The following C17orf107 variants were observed in gnomAD, a reference collection of about 807,000 sequenced individuals.
The protein encoded by C17orf107 is chromosome 17 open reading frame 107, also known as uncharacterized protein C17orf107.
Under a neutral mutation model 8.9 loss-of-function variants are expected in C17orf107, and 9 were observed. The ratio of observed to expected loss-of-function variants is 1.02; its 90% confidence interval spans 0.61 to 1.77. The LOEUF (loss-of-function observed/expected upper bound fraction) is 1.77. Ranked by LOEUF, C17orf107 falls within the 40% of genes most tolerant of loss-of-function variation. The pLI is 0.00. For synonymous variants in C17orf107, 139 were observed against 120.3 expected, an observed-to-expected ratio of 1.16 and a Z score of -1.02; for missense variants, 281 against 249.0, an observed-to-expected ratio of 1.13 and a Z score of -0.86.
Position 4,900,137 on chromosome 17 carries a change from T to G in C17orf107, c.268T>G (p.Leu90Val). 10 of 1,550,116 alleles carry G rather than the reference T, an allele frequency of 6.5e-6. No homozygotes were observed. The highest frequency in any genetic ancestry group is 7.0e-6 in the Non-Finnish European group (8 of 1,146,692). The stretch of plus-strand genomic sequence containing the variant: ...CAGCCTCGTGAGCTTCGGCACCACC[T>G]TGTTAGAGGTGGGGTACTGGGGGGC... ...TASLVSFGTTLLEISALWLQQ... is the reference protein window; with the variant it reads ...TASLVSFGTTVLEISALWLQQ... The change falls in exon 2 of 3, where the codon TTG (leucine) becomes GTG (valine). Residue 90 changes from leucine (L) to valine (V), a missense_variant. Transcript: ENST00000381365.
chr17:4,901,832 C>A lies in C17orf107; in HGVS notation c.*1299C>A. 3.9e-6 allele frequency: 6 copies of A among 1,541,740 alleles called. No individual in the cohort carries two copies. The highest frequency in any genetic ancestry group is 5.3e-6 in the Non-Finnish European group (6 of 1,122,784). On this transcript the variant is annotated 3_prime_UTR_variant, in exon 3 of 3. Coordinates refer to ENST00000381365, the MANE Select transcript of C17orf107 (RefSeq NM_001145536.2). ...TGCCTACGCCTGGCTCCGCCTCCAG[C>A]GCGAAGCCCCGCCCCGAGGGCGGTG...
rs1969996103 is a variant in C17orf107 at position 4,901,826 on chromosome 17, C to A, written c.*1293C>A. The A allele has an allele frequency of 1.3e-6, 2 of 1,525,752 alleles. No individual in the cohort carries two copies. The highest frequency in any genetic ancestry group is 1.8e-6 in the Non-Finnish European group (2 of 1,108,368). 94.5% of individuals were successfully genotyped at this position (1,525,752 alleles called of 1,614,324 possible). ...ACCCAGTGCCTACGCCTGGCTCCGC[C>A]TCCAGCGCGAAGCCCCGCCCCGAGG... On this transcript the variant is annotated 3_prime_UTR_variant, in exon 3 of 3. Transcript: ENST00000381365.
Position 4,899,689 on chromosome 17 carries a change from C to T in C17orf107, c.-74C>T, listed in dbSNP as rs890612632. 2 of 1,462,298 alleles carry T rather than the reference C, an allele frequency of 1.4e-6. No homozygotes were observed. The allele number at this position is 1,462,298 out of a possible 1,614,324, so 90.6% of individuals were successfully genotyped here. A position where few individuals can be genotyped will look rare whatever the true frequency, so the allele number is the denominator to read the frequency against. On this transcript the variant is annotated 5_prime_UTR_variant, in exon 1 of 3. Transcript: ENST00000381365. ...TTCTCCTGGTACGGGCTGGTTACGC[C>T]CTCCAGCTGCGCCCCCTACACGACG...
chr17:4,902,585 G>A lies in C17orf107; in HGVS notation c.*2052G>A, dbSNP rs749542323. ...GCTCAGCGGTTGGGGCCAGAAGTGGGATTTTTGGCTTAAGATGAGGGTGGG... is the reference window on the plus strand; with the variant it reads ...GCTCAGCGGTTGGGGCCAGAAGTGGAATTTTTGGCTTAAGATGAGGGTGGG... On this transcript the variant is annotated 3_prime_UTR_variant, in exon 3 of 3. Transcript: ENST00000381365. This position sits in a 1 kb window ranked among gnomAD's most constrained non-coding sequence, Gnocchi z 4.0. The A allele has an allele frequency of 2.4e-5, 38 of 1,614,162 alleles. No homozygotes were observed. The highest frequency in any genetic ancestry group is 3.2e-5 in the Non-Finnish European group (38 of 1,180,032).
At position 4,900,526 on chromosome 17, in the gene C17orf107, T is replaced by G. The variant is rs1418063217; in HGVS notation, c.566T>G (p.Val189Gly). The change falls in exon 3 of 3, where the codon GTG (valine) becomes GGG (glycine). Residue 189 changes from valine to glycine, a missense_variant. Val to Gly is a moderately radical substitution (Grantham distance 109). Coordinates refer to ENST00000381365, the MANE Select transcript of C17orf107 (RefSeq NM_001145536.2). ...GAACCGGTGAGCTCAGGACACGGGGTGAGTTAGGGGCCAGAGGCGGCGGGG... is the reference window on the plus strand; with the variant it reads ...GAACCGGTGAGCTCAGGACACGGGGGGAGTTAGGGGCCAGAGGCGGCGGGG... ...PGEPVSSGHG[V>G]S The G allele has an allele frequency of 1.3e-6, 2 of 1,549,646 alleles. No homozygotes were observed. The highest frequency in any genetic ancestry group is 8.7e-7 in the Non-Finnish European group (1 of 1,146,766).
Position 4,901,285 on chromosome 17 carries a change from G to C in C17orf107, c.*752G>C. On this transcript the variant is annotated 3_prime_UTR_variant, in exon 3 of 3. Transcript: ENST00000381365. The stretch of plus-strand genomic sequence containing the variant: ...AGGAGGCTGCGGCTGTCTGCACCAG[G>C]GTCATGGGCCGTCAGGATGGGGGCA... The C allele has an allele frequency of 7.1e-7, 1 of 1,401,840 alleles. No homozygotes were observed. Among genetic ancestry groups the C allele is most frequent in the Non-Finnish European group, 9.9e-7 (1 of 1,014,458 alleles). The allele number at this position is 1,401,840 out of a possible 1,614,324, so 86.8% of individuals were successfully genotyped here.
rs992228063 is a variant in C17orf107, at chr17:4,900,795, G to A, written c.*262G>A. On this transcript the variant is annotated 3_prime_UTR_variant, in exon 3 of 3. Transcript: ENST00000381365. ...CCCCGCGGGGGCTCCGGCTTCACCT[G>A]CCCAGGAGCGGCACGCTCAGAGAAG... is the stretch of plus-strand genomic sequence containing the variant. 1.9e-6 allele frequency: 3 copies of A among 1,613,212 alleles called. No homozygotes were observed. Among genetic ancestry groups the A allele is most frequent in the Non-Finnish European group, 2.5e-6 (3 of 1,179,584 alleles).
rs757017826 is a variant in C17orf107, at chr17:4,899,963, T to A, written c.94T>A (p.Ser32Thr). The change falls in exon 2 of 3, where the codon TCC becomes ACC. Residue 32 changes from serine to threonine, a missense_variant. Coordinates refer to ENST00000381365, the MANE Select transcript of C17orf107 (RefSeq NM_001145536.2). ...EVALQPPLLS[S>T]LELSVAAAHE... is the part of the protein sequence containing the mutation. ...GGCCCTCCAGCCCCCGCTTCTGTCT[T>A]CCCTGGAACTCTCCGTGGCCGCAGC... 29 of 1,551,160 alleles carry A rather than the reference T, an allele frequency of 1.9e-5. No individual in the cohort carries two copies. The highest frequency in any genetic ancestry group is 2.4e-5 in the Non-Finnish European group (27 of 1,146,836).
chr17:4,902,847 CAGGCCTCTG>C lies in C17orf107; in HGVS notation c.*2319_*2327del. ...CCCCTCTGCCTCCCCTGGGTCCTCACAGGCCTCTGAGGCTGTGTACTATCAGTATCTGTC... is the reference window on the plus strand; with the variant it reads ...CCCCTCTGCCTCCCCTGGGTCCTCACAGGCTGTGTACTATCAGTATCTGTC... On this transcript the variant is annotated 3_prime_UTR_variant, in exon 3 of 3. Transcript: ENST00000381365. This position sits in a 1 kb window ranked among gnomAD's most constrained non-coding sequence, Gnocchi z 4.0. 6.2e-7 allele frequency: 1 copy of C among 1,601,958 alleles called. No homozygotes were observed. The highest frequency in any genetic ancestry group is 8.5e-7 in the Non-Finnish European group (1 of 1,169,754).
Position 4,901,806 on chromosome 17 carries a change from G to T in C17orf107, c.*1273G>T. 7.0e-7 allele frequency: 1 copy of T among 1,425,398 alleles called. No homozygotes were observed. Among genetic ancestry groups the T allele is most frequent in the Non-Finnish European group, 9.8e-7 (1 of 1,020,074 alleles). 88.3% of individuals were successfully genotyped at this position (1,425,398 alleles called of 1,614,324 possible). A position where few individuals can be genotyped will look rare whatever the true frequency, so the allele number is the denominator to read the frequency against. ...CGGCCGCGCTGGAGCGTCCCACCCA[G>T]TGCCTACGCCTGGCTCCGCCTCCAG... On this transcript the variant is annotated 3_prime_UTR_variant, in exon 3 of 3. Coordinates refer to ENST00000381365, the MANE Select transcript of C17orf107 (RefSeq NM_001145536.2).
rs1969978683 is a variant in C17orf107, at chr17:4,901,350, A to C, written c.*817A>C. 1 of 962,540 alleles carries C rather than the reference A, an allele frequency of 1.0e-6. No individual in the cohort carries two copies. Among genetic ancestry groups the C allele is most frequent in the African/African-American group, 1.6e-5 (1 of 62,112 alleles). 59.6% of individuals were successfully genotyped at this position (962,540 alleles called of 1,614,324 possible). ...AGGGCATTCTCGTTGAGGGTATGGA[A>C]AGCCAGAAGGCAGGACTAGAGTAAC... On this transcript the variant is annotated 3_prime_UTR_variant, in exon 3 of 3. Transcript: ENST00000381365.
Position 4,899,843 on chromosome 17 carries a change from G to A in C17orf107, c.66+15G>A, listed in dbSNP as rs375052652. On this transcript the variant is annotated intron_variant, in intron 1 of 2. Coordinates refer to ENST00000381365, the MANE Select transcript of C17orf107 (RefSeq NM_001145536.2). ...GCTCCACCGAGGTGAGGCTACGCCCGCCAAGGGCTGCACCTCGAGACCTTC... is the reference window on the plus strand; with the variant it reads ...GCTCCACCGAGGTGAGGCTACGCCCACCAAGGGCTGCACCTCGAGACCTTC... The A allele has an allele frequency of 2.6e-6, 4 of 1,551,100 alleles. 1 individual carries two copies. Among genetic ancestry groups the A allele is most frequent in the African/African-American group, 2.7e-5 (2 of 73,156 alleles).
downstream of C17orf107, among the ~76,000 whole-genome samples, chr17:4,904,959 T>A (rs1457659311): frequency 6.6e-6 from 1 of 152,254 alleles, no homozygotes; most frequent in Non-Finnish European, 1.5e-5. Context: ...TGCATGTGGC[T>A]GGTACATGGA....
rs781166271 is a variant in C17orf107, at chr17:4,901,140, G to A, written c.*607G>A. ...CCTGGGCCGTCGGTGGCGCCACCGT[G>A]GTGGCGGCGGATCACCCCCGGGCAG... On this transcript the variant is annotated 3_prime_UTR_variant, in exon 3 of 3. Transcript: ENST00000381365. The A allele has an allele frequency of 6.2e-7, 1 of 1,611,726 alleles. No individual in the cohort carries two copies. Among genetic ancestry groups the A allele is most frequent in the South Asian group, 1.1e-5 (1 of 91,082 alleles).
downstream of C17orf107, among the ~76,000 whole-genome samples, chr17:4,905,374 C>A (rs1464924665): frequency 6.6e-6 from 1 of 151,858 alleles, no homozygotes; most frequent in Non-Finnish European, 1.5e-5. Context: ...CACAGTGAGA[C>A]CCCCCATCTC....
At position 4,900,726 on chromosome 17, in the gene C17orf107, T is replaced by A; in HGVS notation, c.*193T>A. The A allele has an allele frequency of 6.6e-7, 1 of 1,514,544 alleles. No homozygotes were observed. The highest frequency in any genetic ancestry group is 9.0e-7 in the Non-Finnish European group (1 of 1,110,910). The allele number at this position is 1,514,544 out of a possible 1,614,324, so 93.8% of individuals were successfully genotyped here. A position where few individuals can be genotyped will look rare whatever the true frequency, so the allele number is the denominator to read the frequency against. On this transcript the variant is annotated 3_prime_UTR_variant, in exon 3 of 3. Transcript: ENST00000381365. ...GAGACAGCCAGAGCTTTTCCCGGGG[T>A]CTCTGGGTTTTGGCCACGCCCCCAC...
At chr17:4,903,860 T>TTAA (rs1567640857), downstream of C17orf107, among the ~76,000 whole-genome samples, 27 of 152,254 alleles carry the variant, frequency 1.8e-4, no homozygotes, top group Non-Finnish European at 2.6e-4. Flanking sequence ...TGTTCCTTTT[T>TTAA]AAAAAAAATT....
At chr17:4,900,176 C>A in intron 2 of C17orf107, 31 bp downstream of exon 2, 1 of 1,544,682 alleles carries the variant, frequency 6.5e-7, no homozygotes, top group Non-Finnish European at 8.7e-7. Context: ...GGATACGCGG[C>A]GATCGGGTAG....
In C17orf107 at chr17:4,900,344, C is replaced by T. The variant is rs1031779201; in HGVS notation, c.384C>T (p.Ala128=). 1.9e-6 allele frequency: 3 copies of T among 1,547,002 alleles called. No homozygotes were observed. Among genetic ancestry groups the T allele is most frequent in the African/African-American group, 1.4e-5 (1 of 73,028 alleles). The change falls in exon 3 of 3, where the codon GCC becomes GCT. Residue 128 remains alanine, a synonymous_variant. Coordinates refer to ENST00000381365, the MANE Select transcript of C17orf107 (RefSeq NM_001145536.2). Reference sequence around the variant, plus strand: ...CAGCGCTGAGCCGGGTAGCCCAAGCCGCAGGGCAGGGGGTTCGGCAAGCTG... The same window carrying T: ...CAGCGCTGAGCCGGGTAGCCCAAGCTGCAGGGCAGGGGGTTCGGCAAGCTG... ...PGAALSRVAQ[A]AGQGVRQAGA...
Sources: gnomAD v4.1 joint callset for allele counts (sites outside exome capture counted in the v4.1 genomes callset) on GRCh38, gnomAD v4.1.1 for gene constraint, Gnocchi (gnomAD v3.1) non-coding constraint, MANE v1.5 for transcripts, NCBI Gene and HGNC (gene_info 2026-07-23, HGNC 2026-07-21) for gene names.